The following CMSS1 variants were observed in gnomAD, a reference collection of about 807,000 sequenced individuals.
The protein encoded by CMSS1 is cms1 ribosomal small subunit homolog.
Under a neutral mutation model 43.5 loss-of-function variants are expected in CMSS1, and 33 were observed. The observed-to-expected ratio is 0.76, with a 90% CI of 0.57 to 1.01. The LOEUF is 1.01. CMSS1 is among the 50% of genes least tolerant of loss of function. The pLI, the probability that CMSS1 is intolerant of heterozygous loss-of-function variation, is 0.00. For missense variants in CMSS1, 313 were observed against 326.4 expected (o/e 0.96, Z 0.32); for synonymous variants, 115 against 117.2 (o/e 0.98, Z 0.12).
intron 1 of CMSS1, among the ~76,000 whole-genome samples, chr3:99,877,419 A>G (rs1292359239): frequency 6.6e-6 from 1 of 152,196 alleles, no homozygotes; most frequent in Non-Finnish European, 1.5e-5. Context: ...GGTGTGGAAT[A>G]AAGATGCAGG....
chr3:99,984,052 A>ATGTGTGTGTGTGTGTG (rs34256109), intron 1 of CMSS1, among the ~76,000 whole-genome samples: 1,525 of 151,272 alleles, frequency 0.01, 30 homozygotes, highest in African/African-American at 0.034. Flanking sequence ...ATGTATATGT[A>ATGTGTGTGTGTGTGTG]TGTGTGTTTG....
At chr3:99,896,028 C>G (rs1706239878) in intron 1 of CMSS1, among the ~76,000 whole-genome samples, 2 of 152,040 alleles carry the variant, frequency 1.3e-5, no homozygotes, top group South Asian at 2.1e-4. Context: ...TGCCACGGTT[C>G]CATATTATAA....
At chr3:99,841,194 C>T (rs532706843) in intron 1 of CMSS1, among the ~76,000 whole-genome samples, 121 of 152,316 alleles carry the variant, frequency 7.9e-4, no homozygotes, top group Non-Finnish European at 1.3e-3. Context: ...GCATAAGGAT[C>T]GTTTCCACTC....
rs567531294 is a variant in CMSS1 at position 100,127,116 on chromosome 3, C to T, written c.65-19857C>T. ...AAGTTTCAAATCTGTAAATTGCTGA[C>T]GTCCAGCATATTTGTGGGACTCAAA... On this transcript the variant is annotated intron_variant, in intron 1 of 9. Coordinates refer to ENST00000421999, the MANE Select transcript of CMSS1 (RefSeq NM_032359.4). 3.9e-5 allele frequency among the ~76,000 whole-genome samples: 6 copies of T among 152,296 alleles called. 1 individual carries two copies. The highest frequency in any genetic ancestry group is 7.2e-5 in the African/African-American group (3 of 41,562).
At chr3:99,839,929 A>G (rs1166852408) in intron 1 of CMSS1, among the ~76,000 whole-genome samples, 1 of 152,218 alleles carries the variant, frequency 6.6e-6, no homozygotes, top group Non-Finnish European at 1.5e-5. Flanking sequence ...GAACTCTTAT[A>G]GAGTCACTTG....
intron 5 of CMSS1, among the ~76,000 whole-genome samples, chr3:100,167,119 G>A (rs570982072): frequency 1.6e-4 from 25 of 152,100 alleles, no homozygotes; most frequent in Non-Finnish European, 2.9e-4. Flanking sequence ...TTCATGGCCA[G>A]CAATGAAATA....
At chr3:100,146,421 G>C (rs1340703074) in intron 1 of CMSS1, among the ~76,000 whole-genome samples, 1 of 152,160 alleles carries the variant, frequency 6.6e-6, no homozygotes, top group African/African-American at 2.4e-5. Flanking sequence ...ACTTGCTGGG[G>C]ATAACTTCAG....
chr3:99,818,098 G>A, intron 1 of CMSS1, 55 bp downstream of exon 1: 2 of 1,541,132 alleles, frequency 1.3e-6, no homozygotes, highest in South Asian at 1.1e-5. Context: ...CCTTCCGTGC[G>A]CCTCAGCCCT....
Position 99,936,842 on chromosome 3 carries a change from T to A in CMSS1, c.64+118799T>A, listed in dbSNP as rs192926441. Among the ~76,000 whole-genome samples, 575 of 152,272 alleles carry A rather than the reference T, an allele frequency of 3.8e-3. 3 individuals are homozygous for A. The highest frequency in any genetic ancestry group is 0.013 in the African/African-American group (547 of 41,560). The stretch of plus-strand genomic sequence containing the variant: ...ACATAGTAAAGGAAAAATCCTGGTT[T>A]AACATTAATTTATTCAACAAACATT... On this transcript the variant is annotated intron_variant, in intron 1 of 9. Coordinates refer to ENST00000421999, the MANE Select transcript of CMSS1 (RefSeq NM_032359.4).
At chr3:100,086,625 T>C (rs1262446931) in intron 1 of CMSS1, among the ~76,000 whole-genome samples, 1 of 152,222 alleles carries the variant, frequency 6.6e-6, no homozygotes, top group African/African-American at 2.4e-5. Flanking sequence ...CTATGAATCA[T>C]TGCAGCAATT....
chr3:100,005,442 G>A (rs978985412), intron 1 of CMSS1, among the ~76,000 whole-genome samples: 3 of 152,132 alleles, frequency 2.0e-5, no homozygotes, highest in Non-Finnish European at 4.4e-5. Flanking sequence ...GTAGATTCCA[G>A]GGTTCCACCC....
intron 1 of CMSS1, among the ~76,000 whole-genome samples, chr3:100,012,802 T>C (rs1576640357): frequency 1.3e-5 from 2 of 150,476 alleles, no homozygotes; most frequent in African/African-American, 4.9e-5. Context: ...GGACAGGTTT[T>C]CTCTCTGTTG....
chr3:100,035,978 A>G (rs1027860009), intron 1 of CMSS1, among the ~76,000 whole-genome samples: 1 of 152,208 alleles, frequency 6.6e-6, no homozygotes, highest in African/African-American at 2.4e-5. Context: ...CAGGGATCTC[A>G]TCAGATTCTT....
At chr3:99,842,587 C>T (rs927945890) in intron 1 of CMSS1, among the ~76,000 whole-genome samples, 32 of 151,160 alleles carry the variant, frequency 2.1e-4, no homozygotes, top group Non-Finnish European at 7.4e-5. Flanking sequence ...AAGAAGAACT[C>T]ACTAAAATAA....
intron 1 of CMSS1, among the ~76,000 whole-genome samples, chr3:99,993,621 T>C (rs1403427217): frequency 6.6e-6 from 1 of 152,088 alleles, no homozygotes; most frequent in Non-Finnish European, 1.5e-5. Flanking sequence ...GTTTGTCATA[T>C]ATGGTCTTTA....
intron 1 of CMSS1, among the ~76,000 whole-genome samples, chr3:99,965,158 G>A (rs186833851): frequency 2.6e-5 from 4 of 152,308 alleles, no homozygotes; most frequent in Admixed American, 6.5e-5. Context: ...TACTAGCCAA[G>A]CATATCACTT....
intron 2 of CMSS1, among the ~76,000 whole-genome samples, chr3:100,148,692 C>T (rs1357100462): frequency 6.6e-6 from 1 of 152,058 alleles, no homozygotes; most frequent in Non-Finnish European, 1.5e-5. Context: ...TTGATAAGCA[C>T]TTCAAACAGT....
intron 1 of CMSS1, among the ~76,000 whole-genome samples, chr3:100,034,046 G>A (rs1332506464): frequency 6.6e-6 from 1 of 152,122 alleles, no homozygotes; most frequent in Non-Finnish European, 1.5e-5. Context: ...AACCCGCCAT[G>A]CGTTATTTTG....
At chr3:99,972,444 A>T (rs542925212) in intron 1 of CMSS1, among the ~76,000 whole-genome samples, 1 of 152,174 alleles carries the variant, frequency 6.6e-6, no homozygotes, top group Non-Finnish European at 1.5e-5. Context: ...CCCCGTCCCC[A>T]TTTGAGTAAG....
Sources: allele counts gnomAD v4.1 joint callset (sites outside exome capture counted in the v4.1 genomes callset), GRCh38; gene constraint gnomAD v4.1.1; transcripts MANE v1.5; gene names NCBI Gene and HGNC (gene_info 2026-07-23, HGNC 2026-07-21).